The following RABGAP1L variants were observed in gnomAD, a reference collection of about 807,000 sequenced individuals.
RABGAP1L encodes the protein rab GTPase-activating protein 1-like.
In RABGAP1L, 63 loss-of-function variants were observed where a neutral mutation model predicts 137.7. The observed-to-expected ratio is 0.46, with a 90% CI of 0.37 to 0.56. The LOEUF (loss-of-function observed/expected upper bound fraction) is 0.56. Among genes scored for constraint, RABGAP1L ranks in the 20% least tolerant of loss-of-function variants. The probability of loss-of-function intolerance (pLI) is 0.00; values close to 1 mark genes in which losing one functional copy is unlikely to be tolerated. For missense variants in RABGAP1L, 1,095 were observed against 1,244.0 expected (o/e 0.88, Z 1.80); for synonymous variants, 431 against 433.7 (o/e 0.99, Z 0.08).
At chr1:174,583,939 C>A (rs969445776) in intron 13 of RABGAP1L, among the ~76,000 whole-genome samples, 1 of 152,088 alleles carries the variant, frequency 6.6e-6, no homozygotes, top group African/African-American at 2.4e-5. Flanking sequence ...CAAAGCTTGG[C>A]GACATTGAGT....
chr1:174,620,528 A>G (rs1446404545), intron 13 of RABGAP1L, among the ~76,000 whole-genome samples: 1 of 152,252 alleles, frequency 6.6e-6, no homozygotes, highest in African/African-American at 2.4e-5. Context: ...CTGCTCCTGA[A>G]TGACTGCCAG....
intron 13 of RABGAP1L, among the ~76,000 whole-genome samples, chr1:174,430,563 AG>A (rs1206817868): frequency 6.6e-6 from 1 of 152,124 alleles, no homozygotes; most frequent in Non-Finnish European, 1.5e-5. Flanking sequence ...TTCCATTTTT[AG>A]TGTATTCTAG....
intron 3 of RABGAP1L, among the ~76,000 whole-genome samples, chr1:174,228,853 A>C (rs1267131190): frequency 6.6e-6 from 1 of 152,102 alleles, no homozygotes; most frequent in Non-Finnish European, 1.5e-5. Flanking sequence ...TGTATGCTTA[A>C]TTTTGTGCGG....
intron 13 of RABGAP1L, among the ~76,000 whole-genome samples, chr1:174,550,999 C>CAT (rs549477266): frequency 0.04 from 3,473 of 86,254 alleles, 121 homozygotes; most frequent in East Asian, 0.092. Flanking sequence ...TATATATACA[C>CAT]ATATATATAT....
intron 18 of RABGAP1L, among the ~76,000 whole-genome samples, chr1:174,766,761 A>G (rs1015767557): frequency 6.6e-6 from 1 of 152,200 alleles, no homozygotes; most frequent in Non-Finnish European, 1.5e-5. Context: ...TGACAAGGGC[A>G]TCTCAGAGGT....
At chr1:174,625,682 G>A (rs1672894610) in intron 13 of RABGAP1L, among the ~76,000 whole-genome samples, 1 of 152,150 alleles carries the variant, frequency 6.6e-6, no homozygotes, top group Non-Finnish European at 1.5e-5. Flanking sequence ...AAGTGATTGA[G>A]GAAGTGGTAG....
intron 12 of RABGAP1L, among the ~76,000 whole-genome samples, chr1:174,389,743 G>T (rs1370840393): frequency 6.6e-6 from 1 of 152,006 alleles, no homozygotes; most frequent in Non-Finnish European, 1.5e-5. Flanking sequence ...TATATGTGGG[G>T]CACTGTTTCT....
rs1437842264 is a variant in RABGAP1L at position 174,784,413 on chromosome 1, T to G, written c.2212-27419T>G. On this transcript the variant is annotated intron_variant, in intron 18 of 25. Coordinates refer to ENST00000681986, the MANE Select transcript of RABGAP1L (RefSeq NM_001366446.1). ...GTGCTCTGTTGTCAATTTATTATAT[T>G]TATCTTATCTCAGATTTCTTTTCTT... 2.0e-5 allele frequency among the ~76,000 whole-genome samples: 3 copies of G among 152,204 alleles called. 1 individual carries two copies. The highest frequency in any genetic ancestry group is 7.2e-5 in the African/African-American group (3 of 41,448).
At chr1:174,963,922 T>C (rs2149355240) in intron 20 of RABGAP1L, among the ~76,000 whole-genome samples, 1 of 152,304 alleles carries the variant, frequency 6.6e-6, no homozygotes, top group East Asian at 1.9e-4. Flanking sequence ...CTGAAAGAAA[T>C]GCAGTCTGTT....
chr1:174,196,007 T>A (rs983646160), intron 1 of RABGAP1L, among the ~76,000 whole-genome samples: 16 of 150,942 alleles, frequency 1.1e-4, no homozygotes, highest in Non-Finnish European at 1.9e-4. Context: ...GGCTAATTTT[T>A]TGTATTTTTA....
At chr1:174,950,196 T>C (rs1667501455) in intron 19 of RABGAP1L, among the ~76,000 whole-genome samples, 1 of 152,218 alleles carries the variant, frequency 6.6e-6, no homozygotes, top group South Asian at 2.1e-4. Flanking sequence ...TAAGAAGCCT[T>C]GGAAATTATG....
At chr1:174,462,623 A>C (rs1365918858) in intron 13 of RABGAP1L, among the ~76,000 whole-genome samples, 1 of 152,110 alleles carries the variant, frequency 6.6e-6, no homozygotes, top group East Asian at 1.9e-4. Flanking sequence ...GGTAGGAATG[A>C]TCTCATCACC....
chr1:174,544,322 T>A (rs1356053034), intron 13 of RABGAP1L, among the ~76,000 whole-genome samples: 11 of 152,178 alleles, frequency 7.2e-5, no homozygotes, highest in Non-Finnish European at 1.6e-4. Flanking sequence ...TCTAAACTTC[T>A]CTTCTTGCTT....
chr1:174,877,530 C>T (rs367912829), intron 19 of RABGAP1L: 29 of 1,614,084 alleles, frequency 1.8e-5, no homozygotes, highest in Admixed American at 6.7e-5. Context: ...TAGCCTATGA[C>T]GCCCATGTTT....
chr1:174,504,924 G>A (rs140206372), intron 13 of RABGAP1L, among the ~76,000 whole-genome samples: 160 of 152,212 alleles, frequency 1.1e-3, no homozygotes, highest in African/African-American at 3.8e-3. Context: ...AACAGGGTGA[G>A]GAGTCATCCT....
chr1:174,956,411 A>G (rs1668530882), intron 19 of RABGAP1L, among the ~76,000 whole-genome samples: 1 of 152,096 alleles, frequency 6.6e-6, no homozygotes, highest in African/African-American at 2.4e-5. Flanking sequence ...CGCTGTGCTT[A>G]TTTGTTTATT....
rs898831938 is a variant in RABGAP1L at position 174,960,112 on chromosome 1, A to G, written c.2433+2563A>G. On this transcript the variant is annotated intron_variant, in intron 20 of 25. Coordinates refer to ENST00000681986, the MANE Select transcript of RABGAP1L (RefSeq NM_001366446.1). ...CAACCCCTCCTCAACATTAGAATCT[A>G]TATTGCTTAAAAAGTCATTTCCACA... is the stretch of plus-strand genomic sequence containing the variant. 2.6e-5 allele frequency among the ~76,000 whole-genome samples: 4 copies of G among 152,154 alleles called. No individual in the cohort carries two copies. In the East Asian group the frequency reaches 7.7e-4, roughly 29 times the overall value.
At chr1:174,725,372 C>T (rs544295099) in intron 17 of RABGAP1L, among the ~76,000 whole-genome samples, 33 of 152,240 alleles carry the variant, frequency 2.2e-4, no homozygotes, top group Non-Finnish European at 4.4e-4. Context: ...AGACTAAATA[C>T]GTAGTGTGAA....
intron 19 of RABGAP1L, among the ~76,000 whole-genome samples, chr1:174,823,144 A>T (rs1331380325): frequency 6.6e-6 from 1 of 152,144 alleles, no homozygotes; most frequent in Non-Finnish European, 1.5e-5. Context: ...TTTCTTCAAA[A>T]ACTTTAAGTT....
Sources: gnomAD v4.1 joint callset for allele counts (sites outside exome capture counted in the v4.1 genomes callset) on GRCh38, gnomAD v4.1.1 for gene constraint, MANE v1.5 for transcripts, NCBI Gene and HGNC (gene_info 2026-07-23, HGNC 2026-07-21) for gene names.